Variants in ST18 observed in about 807,000 individuals in gnomAD.
The protein encoded by ST18 is ST18 C2H2C-type zinc finger transcription factor, also known as suppression of tumorigenicity 18 protein.
A neutral mutation model predicts 110.0 loss-of-function variants in ST18; 50 were observed. That is an observed-to-expected ratio of 0.45 (90% CI 0.36 to 0.58). The LOEUF (loss-of-function observed/expected upper bound fraction) is 0.58. Ranked by LOEUF, ST18 falls within the 20% of genes least tolerant of loss-of-function variation. The probability of loss-of-function intolerance (pLI) is 0.00; values close to 1 mark genes in which losing one functional copy is unlikely to be tolerated. For synonymous variants in ST18, 461 were observed against 452.4 expected (o/e 1.02, Z -0.24); for missense variants, 1,306 against 1,280.1 (o/e 1.02, Z -0.31).
At chr8:52,212,729 C>T (rs541681288) in intron 7 of ST18, among the ~76,000 whole-genome samples, 1 of 152,090 alleles carries the variant, frequency 6.6e-6, no homozygotes, top group African/African-American at 2.4e-5. Context: ...TTGAGAGAGA[C>T]AACAGGTGGT....
Position 52,113,269 on chromosome 8 carries a change from G to A in ST18, c.3073C>T (p.Arg1025Trp), listed in dbSNP as rs2129994486. 1.2e-6 allele frequency: 2 copies of A among 1,614,060 alleles called. No individual in the cohort carries two copies. Among genetic ancestry groups the A allele is most frequent in the Admixed American group, 1.7e-5 (1 of 60,020 alleles). Reference sequence around the variant, plus strand: ...GCTTTGCATTCCGGGGAATAGTCCCGTTCCAGATTGCTGTACATATCTGTG... The same window carrying A: ...GCTTTGCATTCCGGGGAATAGTCCCATTCCAGATTGCTGTACATATCTGTG... ...TLTDMYSNLE[R>W]DYSPECKALL... Residue 1025 changes from arginine to tryptophan, a missense_variant, in exon 26 of 26, where the codon CGG (arginine) becomes TGG (tryptophan). Physicochemically the swap from Arg to Trp is moderately radical, Grantham distance 101. Transcript: ENST00000689386.
At chr8:52,409,525 A>G (rs1293838748) in intron 1 of ST18, 23 bp downstream of exon 1, 1 of 104,624 alleles carries the variant, frequency 9.6e-6, no homozygotes, top group Non-Finnish European at 2.3e-5. Flanking sequence ...AGCTACACAA[A>G]TGCCAAGCCA....
rs1465173429 is a variant in ST18 at position 52,118,473 on chromosome 8, T to G, written c.2756-32A>C. 4.5e-6 allele frequency: 6 copies of G among 1,329,282 alleles called. No homozygotes were observed. The East Asian group carries it at 1.2e-4, about 26-fold the overall frequency. The allele number at this position is 1,329,282 out of a possible 1,614,324, so 82.3% of individuals were successfully genotyped here. A position where few individuals can be genotyped will look rare whatever the true frequency, so the allele number is the denominator to read the frequency against. ...AGAGTAAGACTACCTTAGTTCAAAC[T>G]GAAAACTGTTAACAAATGAGTCATT... On this transcript the variant is annotated intron_variant, in intron 23 of 25. Transcript: ENST00000689386.
At chr8:52,158,405 A>G (rs907588181) in intron 15 of ST18, among the ~76,000 whole-genome samples, 2 of 152,196 alleles carry the variant, frequency 1.3e-5, no homozygotes, top group African/African-American at 4.8e-5. Flanking sequence ...GGCAACTTAG[A>G]CTATCTTATG....
At chr8:52,306,648 G>C (rs2095817748) in intron 2 of ST18, among the ~76,000 whole-genome samples, 2 of 152,274 alleles carry the variant, frequency 1.3e-5, no homozygotes, top group Admixed American at 1.3e-4. Context: ...TATAATAGCA[G>C]AAAAAGAGTC....
intron 16 of ST18, among the ~76,000 whole-genome samples, chr8:52,147,466 A>G (rs2057633969): frequency 6.6e-6 from 1 of 152,140 alleles, no homozygotes; most frequent in Non-Finnish European, 1.5e-5. Context: ...GTGTCAAACA[A>G]CGCAAGACAC....
At chr8:52,394,516 C>T (rs1445113043) in intron 2 of ST18, among the ~76,000 whole-genome samples, 3 of 152,186 alleles carry the variant, frequency 2.0e-5, no homozygotes, top group African/African-American at 7.2e-5. Flanking sequence ...TTTCCAATCC[C>T]TGCCTGAGCA....
intron 2 of ST18, among the ~76,000 whole-genome samples, chr8:52,325,257 A>C (rs1446963932): frequency 6.6e-6 from 1 of 152,242 alleles, no homozygotes; most frequent in Non-Finnish European, 1.5e-5. Context: ...GAAATGCTTA[A>C]CGACTAATTT....
chr8:52,333,371 A>G (rs537597609), intron 2 of ST18, among the ~76,000 whole-genome samples: 1 of 152,262 alleles, frequency 6.6e-6, no homozygotes, highest in Admixed American at 6.5e-5. Flanking sequence ...CTTTAAAGAA[A>G]GCAACCAGCT....
At chr8:52,200,346 A>G (rs1014354467) in intron 8 of ST18, among the ~76,000 whole-genome samples, 1 of 152,376 alleles carries the variant, frequency 6.6e-6, no homozygotes, top group East Asian at 1.9e-4. Context: ...GGTCTTGCTG[A>G]CAAGGAGGCA....
chr8:52,389,382 G>C (rs1838419012), intron 2 of ST18, among the ~76,000 whole-genome samples: 1 of 152,198 alleles, frequency 6.6e-6, no homozygotes, highest in Admixed American at 6.5e-5. Context: ...ACTGCCTGGA[G>C]GAGCTCTTCT....
In ST18 at chr8:52,250,405, C is replaced by G. The variant is rs146944859; in HGVS notation, c.-464-20328G>C. 6.5e-3 allele frequency among the ~76,000 whole-genome samples: 762 copies of G among 116,608 alleles called. 3 individuals carry two copies. Among genetic ancestry groups the G allele is most frequent in the African/African-American group, 0.024 (721 of 30,024 alleles). The allele number at this position is 116,608 out of a possible 152,430, so 76.5% of individuals were successfully genotyped here. A position where few individuals can be genotyped will look rare whatever the true frequency, so the allele number is the denominator to read the frequency against. ...TTCACACCACGAGGCCGTTTTCCTA[C>G]TATCAGTCAGCAGCTGACACTGTGG... On this transcript the variant is annotated intron_variant, in intron 2 of 25. Coordinates refer to ENST00000689386, the MANE Select transcript of ST18 (RefSeq NM_001352837.2).
chr8:52,230,887 C>T (rs2091141278), intron 2 of ST18, among the ~76,000 whole-genome samples: 1 of 152,084 alleles, frequency 6.6e-6, no homozygotes, highest in Non-Finnish European at 1.5e-5. Context: ...AACAATCACC[C>T]TATAGGGTGG....
chr8:52,212,138 A>T (rs1342475929), intron 7 of ST18, 29 bp from the exon 8 acceptor site: 1 of 1,589,134 alleles, frequency 6.3e-7, no homozygotes, highest in Non-Finnish European at 8.5e-7. Flanking sequence ...AAAAAAGAAG[A>T]CTTAATCAGT....
chr8:52,393,390 C>G (rs1267447723), intron 2 of ST18, among the ~76,000 whole-genome samples: 1 of 152,098 alleles, frequency 6.6e-6, no homozygotes, highest in Non-Finnish European at 1.5e-5. Flanking sequence ...CATATAGACT[C>G]AGTCCTGAAC....
At chr8:52,318,344 T>G (rs1392094350) in intron 2 of ST18, among the ~76,000 whole-genome samples, 3 of 151,824 alleles carry the variant, frequency 2.0e-5, no homozygotes, top group Non-Finnish European at 4.4e-5. Context: ...AAAACCACAA[T>G]GAGATACCAT....
chr8:52,395,155 C>A (rs1428614290), intron 2 of ST18, among the ~76,000 whole-genome samples: 1 of 152,188 alleles, frequency 6.6e-6, no homozygotes, highest in Non-Finnish European at 1.5e-5. Flanking sequence ...AACATAGAGA[C>A]CACCACCATC....
chr8:52,258,642 C>T (rs1283824591), intron 2 of ST18, among the ~76,000 whole-genome samples: 2 of 152,124 alleles, frequency 1.3e-5, no homozygotes, highest in Admixed American at 6.6e-5. Context: ...TTTCTAAATA[C>T]AAATCTGTAT....
At chr8:52,266,705 T>C (rs113599441) in intron 2 of ST18, among the ~76,000 whole-genome samples, 8,526 of 151,730 alleles carry the variant, frequency 0.056, 800 homozygotes, top group African/African-American at 0.2. Context: ...CCATGCCTGG[T>C]TAATTTTTTT....
Sources: gnomAD v4.1 joint callset for allele counts (sites outside exome capture counted in the v4.1 genomes callset) on GRCh38, gnomAD v4.1.1 for gene constraint, MANE v1.5 for transcripts, NCBI Gene and HGNC (gene_info 2026-07-23, HGNC 2026-07-21) for gene names.